The following ZBTB20 variants were observed in gnomAD, a reference collection of about 807,000 sequenced individuals.
The protein encoded by ZBTB20 is zinc finger and BTB domain containing 20.
A neutral mutation model predicts 56.9 loss-of-function variants in ZBTB20; 9 were observed. The observed-to-expected ratio is 0.16, with a 90% CI of 0.10 to 0.28. The LOEUF (loss-of-function observed/expected upper bound fraction) is 0.28, where lower values mean the gene tolerates loss of function less well. Among genes scored for constraint, ZBTB20 ranks in the 10% least tolerant of loss-of-function variants. ZBTB20 has a pLI of 1.00. For missense variants in ZBTB20, 655 were observed against 1,003.0 expected, an observed-to-expected ratio of 0.65 and a Z score of 4.69; for synonymous variants, 417 against 420.7, an observed-to-expected ratio of 0.99 and a Z score of 0.11.
intron 4 of ZBTB20, among the ~76,000 whole-genome samples, chr3:114,858,479 G>A (rs149563292): frequency 1.2e-3 from 184 of 152,074 alleles, no homozygotes; most frequent in Non-Finnish European, 2.2e-3. Context: ...TCTTTACATA[G>A]TGCAATAAAA....
At chr3:115,127,048 G>T (rs1358580932) in intron 1 of ZBTB20, among the ~76,000 whole-genome samples, 4 of 152,170 alleles carry the variant, frequency 2.6e-5, no homozygotes, top group African/African-American at 9.7e-5. Context: ...TTGTTAAAAT[G>T]AATATAATTA....
intron 5 of ZBTB20, among the ~76,000 whole-genome samples, chr3:114,707,393 A>G (rs1356189159): frequency 6.6e-6 from 1 of 152,050 alleles, no homozygotes; most frequent in Non-Finnish European, 1.5e-5. Flanking sequence ...CCTACCCCCA[A>G]TCACACCTCC....
At chr3:114,709,830 C>T (rs780430052) in intron 5 of ZBTB20, among the ~76,000 whole-genome samples, 6 of 152,186 alleles carry the variant, frequency 3.9e-5, no homozygotes, top group Non-Finnish European at 7.4e-5. Flanking sequence ...ATACACTCTG[C>T]TGATGCTAGA....
chr3:114,319,084 G>C lies in ZBTB20; in HGVS notation c.*19921C>G, dbSNP rs2078798313. 6.6e-6 allele frequency: 1 copy of C among 151,028 alleles called. No homozygotes were observed. Among genetic ancestry groups the C allele is most frequent in the South Asian group, 2.1e-4 (1 of 4,796 alleles). The allele number at this position is 151,028 out of a possible 1,614,324, so 9.4% of individuals were successfully genotyped here. On this transcript the variant is annotated 3_prime_UTR_variant, in exon 12 of 12. Transcript: ENST00000675478. ...AATCCCAACTTTTAACACGCATCTT[G>C]AATCAGTAATTTTTTTTTAACCTCA...
rs946620388 is a variant in ZBTB20 at position 114,957,134 on chromosome 3, C to T, written c.-456+17232G>A. On this transcript the variant is annotated intron_variant, in intron 3 of 11. Coordinates refer to ENST00000675478, the MANE Select transcript of ZBTB20 (RefSeq NM_001348800.3). ...TTACACATGAAAATGTTGTGTTCTG[C>T]TTAGGTTATAAGGAAACTAAATCAT... Among the ~76,000 whole-genome samples, 7 of 152,254 alleles carry T rather than the reference C, an allele frequency of 4.6e-5. No individual in the cohort carries two copies. The South Asian group carries it at 6.2e-4, about 14-fold the overall frequency.
At chr3:115,072,174 T>C (rs1399011758) in intron 1 of ZBTB20, among the ~76,000 whole-genome samples, 1 of 152,164 alleles carries the variant, frequency 6.6e-6, no homozygotes, top group Non-Finnish European at 1.5e-5. Flanking sequence ...GTTATACAGT[T>C]TTGAGGGTTT....
chr3:114,352,458 C>T (rs1255373730), intron 10 of ZBTB20, among the ~76,000 whole-genome samples: 1 of 152,138 alleles, frequency 6.6e-6, no homozygotes. Context: ...ACCATGTATG[C>T]AAAAATTATT....
intron 6 of ZBTB20, among the ~76,000 whole-genome samples, chr3:114,500,697 G>A (rs1203117256): frequency 2.0e-5 from 3 of 152,146 alleles, no homozygotes; most frequent in Non-Finnish European, 4.4e-5. Context: ...GGATTTGGTA[G>A]AGCTATGTTA....
At chr3:115,139,679 T>A (rs1045270360) in intron 1 of ZBTB20, among the ~76,000 whole-genome samples, 2 of 152,096 alleles carry the variant, frequency 1.3e-5, no homozygotes, top group Non-Finnish European at 2.9e-5. Flanking sequence ...TATCTTTGAA[T>A]AAATGTATCT....
chr3:114,919,427 G>T (rs893320916), intron 3 of ZBTB20, among the ~76,000 whole-genome samples: 6 of 152,032 alleles, frequency 3.9e-5, no homozygotes, highest in Admixed American at 3.9e-4. Context: ...TACAAAACAG[G>T]CCAGGCATGG....
chr3:114,948,546 T>C (rs1325134569), intron 3 of ZBTB20, among the ~76,000 whole-genome samples: 1 of 145,924 alleles, frequency 6.9e-6, no homozygotes, highest in Non-Finnish European at 1.5e-5. Flanking sequence ...CAAAGTCTAA[T>C]AGAATTAATA....
chr3:114,683,936 T>C (rs979100703), intron 6 of ZBTB20, among the ~76,000 whole-genome samples: 2 of 152,102 alleles, frequency 1.3e-5, no homozygotes, highest in African/African-American at 4.8e-5. Flanking sequence ...TGGGGGGCAG[T>C]GGTGTATAAT....
At position 114,679,775 on chromosome 3, in the gene ZBTB20, C is replaced by T. The variant is rs1020342642; in HGVS notation, c.-295+13753G>A. 3.3e-5 allele frequency among the ~76,000 whole-genome samples: 5 copies of T among 152,172 alleles called. No homozygotes were observed. The East Asian group carries it at 7.7e-4, about 24-fold the overall frequency. On this transcript the variant is annotated intron_variant, in intron 6 of 11. Transcript: ENST00000675478. ...AGAAATACCATTTGACCCAGCAATCCCATTACTGGGTATATACCCAAAAAA... is the reference window on the plus strand; with the variant it reads ...AGAAATACCATTTGACCCAGCAATCTCATTACTGGGTATATACCCAAAAAA...
chr3:114,559,677 C>G (rs116426958), intron 6 of ZBTB20, among the ~76,000 whole-genome samples: 79 of 152,278 alleles, frequency 5.2e-4, no homozygotes, highest in African/African-American at 1.8e-3. Context: ...GATTGGAAGG[C>G]TGCTGGCTTC....
At chr3:114,514,627 G>C (rs994002866) in intron 6 of ZBTB20, among the ~76,000 whole-genome samples, 1 of 152,130 alleles carries the variant, frequency 6.6e-6, no homozygotes, top group African/African-American at 2.4e-5. Flanking sequence ...GTAAGTAATG[G>C]GGAATACTTT....
At chr3:115,118,703 A>ATTTTTTTTTTTTTTTTTT (rs35607205) in intron 1 of ZBTB20, among the ~76,000 whole-genome samples, 3 of 82,174 alleles carry the variant, frequency 3.7e-5, no homozygotes, top group Non-Finnish European at 6.7e-5. Flanking sequence ...CCTGGTACAA[A>ATTTTTTTTTTTTTTTTTT]TTTTTTTTTT....
chr3:115,003,421 GTTTGTTT>G (rs2079335554), intron 2 of ZBTB20, among the ~76,000 whole-genome samples: 1 of 145,156 alleles, frequency 6.9e-6, no homozygotes, highest in Non-Finnish European at 1.5e-5. Flanking sequence ...TTTTTTTTTT[GTTTGTTT>G]TTTGTTTGTT....
chr3:114,827,500 TGA>T (rs2073603184), intron 4 of ZBTB20, among the ~76,000 whole-genome samples: 1 of 151,808 alleles, frequency 6.6e-6, no homozygotes, highest in South Asian at 2.1e-4. Context: ...ACAAAAATCA[TGA>T]GAACAATGAA....
intron 6 of ZBTB20, among the ~76,000 whole-genome samples, chr3:114,623,246 T>C (rs1192466374): frequency 6.6e-6 from 1 of 152,164 alleles, no homozygotes; most frequent in African/African-American, 2.4e-5. Flanking sequence ...GGAAGGCACA[T>C]TTTGGCTATG....
Sources: allele counts gnomAD v4.1 joint callset (sites outside exome capture counted in the v4.1 genomes callset), GRCh38; gene constraint gnomAD v4.1.1; transcripts MANE v1.5; gene names NCBI Gene and HGNC (gene_info 2026-07-23, HGNC 2026-07-21).